Variants in KDM6A observed in about 807,000 individuals in gnomAD.
KDM6A encodes the protein lysine-specific demethylase 6A.
A neutral mutation model predicts 117.6 loss-of-function variants in KDM6A; 11 were observed. That is an observed-to-expected ratio of 0.09 (90% CI 0.06 to 0.15). The LOEUF is 0.15. Ranked by LOEUF, KDM6A falls within the 10% of genes least tolerant of loss-of-function variation. KDM6A has a pLI of 1.00. For synonymous variants in KDM6A, 384 were observed against 396.1 expected (o/e 0.97, Z 0.36); for missense variants, 799 against 1,077.3 (o/e 0.74, Z 3.62).
intron 2 of KDM6A, among the ~76,000 whole-genome samples, chrX:44,941,385 C>G (rs1345793100): frequency 2.7e-5 from 3 of 111,060 alleles, no homozygotes; most frequent in Non-Finnish European, 5.7e-5. Context: ...TTATCAAAGT[C>G]TAGTTGGTAC....
chrX:45,054,120 C>G (rs2043968149), intron 10 of KDM6A, among the ~76,000 whole-genome samples, 165 bp downstream of exon 10: 1 of 112,020 alleles, frequency 8.9e-6, no homozygotes, highest in Non-Finnish European at 1.9e-5. Flanking sequence ...GATAAAGTTT[C>G]CAAATATGGT....
intron 27 of KDM6A, chrX:45,106,728 T>C: frequency 3.3e-6 from 1 of 305,002 alleles, no homozygotes. Context: ...GAATTTACTA[T>C]GTTGTTAGCA....
intron 8 of KDM6A, among the ~76,000 whole-genome samples, chrX:45,041,691 G>C (rs1464872344): frequency 3.6e-5 from 4 of 109,637 alleles, no homozygotes; most frequent in African/African-American, 1.0e-4. Context: ...TCCTAGATGG[G>C]ATGGCGGCGG....
rs1245250137 is a variant in KDM6A, at chrX:44,878,025, T to C, written c.225+4038T>C. Reference sequence around the variant, plus strand: ...TTTTTAAATTGTAATATTTGGATGTTGATTAAAAACATTCTCATTTATGTG... The same window carrying C: ...TTTTTAAATTGTAATATTTGGATGTCGATTAAAAACATTCTCATTTATGTG... On this transcript the variant is annotated intron_variant, in intron 2 of 29. Transcript: ENST00000611820. 2.7e-5 allele frequency among the ~76,000 whole-genome samples: 3 copies of C among 111,689 alleles called. No homozygotes were observed. The East Asian group carries it at 8.4e-4, about 31-fold the overall frequency.
chrX:45,043,978 C>T lies in KDM6A; in HGVS notation c.654+6289C>T, dbSNP rs1003742584. ...GTGTGTGTTTTTTGTTTTAACTGAA[C>T]CTTTTCTATGTTTAGATATTTACCA... On this transcript the variant is annotated intron_variant, in intron 8 of 29. Coordinates refer to ENST00000611820, the MANE Select transcript of KDM6A (RefSeq NM_001291415.2). Among the ~76,000 whole-genome samples the T allele has an allele frequency of 3.6e-5, 4 of 111,344 alleles. No individual in the cohort carries two copies. The East Asian group carries it at 1.1e-3, about 31-fold the overall frequency.
chrX:44,884,127 A>G (rs914442399), intron 2 of KDM6A, among the ~76,000 whole-genome samples: 23 of 105,659 alleles, frequency 2.2e-4, no homozygotes, highest in East Asian at 5.9e-4. Flanking sequence ...AAAAAAAAAA[A>G]AGAGTTAGAG....
At chrX:45,101,773 CTTTAA>C (rs1353198585) in intron 27 of KDM6A, among the ~76,000 whole-genome samples, 6 of 111,783 alleles carry the variant, frequency 5.4e-5, no homozygotes, top group Admixed American at 1.9e-4. Flanking sequence ...AATTAAATAA[CTTTAA>C]TTTAGTAATT....
intron 4 of KDM6A, among the ~76,000 whole-genome samples, chrX:44,977,887 AT>A (rs902256538): frequency 9.0e-5 from 10 of 111,388 alleles, no homozygotes; most frequent in Admixed American, 4.8e-4. Flanking sequence ...TCTCTTGCCC[AT>A]TTTTTTTATT....
At chrX:45,035,652 A>G (rs2042779236) in intron 7 of KDM6A, among the ~76,000 whole-genome samples, 1 of 110,436 alleles carries the variant, frequency 9.1e-6, no homozygotes, top group African/African-American at 3.3e-5. Flanking sequence ...CGTTGATGCT[A>G]AATTTCTTAA....
intron 13 of KDM6A, 35 bp downstream of exon 13, chrX:45,060,191 C>CT (rs1300460113): frequency 8.3e-7 from 1 of 1,208,000 alleles, no homozygotes; most frequent in African/African-American, 1.7e-5. Flanking sequence ...AGGTGCCCAG[C>CT]TTTAAGGGTT....
intron 4 of KDM6A, among the ~76,000 whole-genome samples, chrX:44,989,449 G>T (rs2040450658): frequency 9.2e-6 from 1 of 108,717 alleles, no homozygotes; most frequent in East Asian, 2.9e-4. Context: ...GATGAACCCA[G>T]TACCTCAGTT....
intron 2 of KDM6A, among the ~76,000 whole-genome samples, chrX:44,883,906 C>T (rs1470834835): frequency 2.7e-5 from 3 of 109,155 alleles, no homozygotes; most frequent in Middle Eastern, 4.7e-3. Flanking sequence ...AGTTCGAGAC[C>T]AGCCTGACCA....
intron 2 of KDM6A, among the ~76,000 whole-genome samples, chrX:44,878,581 G>A (rs777764173): frequency 1.8e-5 from 2 of 111,645 alleles, no homozygotes; most frequent in East Asian, 5.6e-4. Flanking sequence ...TTGCATATTT[G>A]GTCACAAATT....
chrX:44,981,966 C>A (rs966170021), intron 4 of KDM6A, among the ~76,000 whole-genome samples: 16 of 111,981 alleles, frequency 1.4e-4, no homozygotes, highest in Non-Finnish European at 2.8e-4. Flanking sequence ...TCCTTGTAAT[C>A]CCAGCTACTG....
At chrX:45,040,575 G>A (rs867853477) in intron 8 of KDM6A, among the ~76,000 whole-genome samples, 1 of 71,478 alleles carries the variant, frequency 1.4e-5, no homozygotes, top group Non-Finnish European at 2.6e-5. Context: ...GGGCGGCCGG[G>A]CAGAGGCGCC....
chrX:45,054,376 A>G (rs1019279868), intron 10 of KDM6A, among the ~76,000 whole-genome samples: 3 of 111,864 alleles, frequency 2.7e-5, no homozygotes, highest in Non-Finnish European at 5.6e-5. Context: ...TATAATTTAT[A>G]ATTTTGATTC....
Position 44,919,322 on chromosome X carries a change from C to G in KDM6A, c.226-41962C>G, listed in dbSNP as rs187189051. Among the ~76,000 whole-genome samples the G allele has an allele frequency of 4.4e-3, 489 of 111,126 alleles. 5 individuals are homozygous for G. The South Asian group carries it at 0.062, about 14-fold the overall frequency. On this transcript the variant is annotated intron_variant, in intron 2 of 29. Transcript: ENST00000611820. Reference sequence around the variant, plus strand: ...CTTGGCTGACATTTTCTCAGACTTTCCTTGTTTTTGATGACCTTAGTTTTG... The same window carrying G: ...CTTGGCTGACATTTTCTCAGACTTTGCTTGTTTTTGATGACCTTAGTTTTG...
chrX:45,002,861 G>GCCCCC (rs1169401246), intron 4 of KDM6A, among the ~76,000 whole-genome samples: 1 of 21,997 alleles, frequency 4.5e-5, no homozygotes, highest in African/African-American at 1.4e-4. Context: ...TCCCCTCCCC[G>GCCCCC]CCCCCCCCCC....
chrX:45,086,071 A>G (rs1438514895), intron 25 of KDM6A, 92 bp downstream of exon 25: 4 of 531,579 alleles, frequency 7.5e-6, no homozygotes, highest in Non-Finnish European at 1.4e-5. Flanking sequence ...TAATGGATAC[A>G]TTGCCAGTAT....
Sources: allele counts gnomAD v4.1 joint callset (sites outside exome capture counted in the v4.1 genomes callset), GRCh38; gene constraint gnomAD v4.1.1; transcripts MANE v1.5; gene names NCBI Gene and HGNC (gene_info 2026-07-23, HGNC 2026-07-21).